Variants in RTN4 observed in about 807,000 individuals in gnomAD.
RTN4 encodes the protein reticulon-4.
In RTN4, 32 loss-of-function variants were observed where a neutral mutation model predicts 90.4. The observed-to-expected ratio is 0.35, with a 90% CI of 0.27 to 0.48. The LOEUF (loss-of-function observed/expected upper bound fraction) is 0.48, where lower values mean the gene tolerates loss of function less well. Ranked by LOEUF, RTN4 falls within the 20% of genes least tolerant of loss-of-function variation. RTN4 has a pLI of 0.99. For missense variants in RTN4, 1,706 were observed against 1,430.2 expected (o/e 1.19, Z -3.11); for synonymous variants, 629 against 552.5 (o/e 1.14, Z -1.94).
chr2:55,034,682 G>C (rs1472046823), intron 1 of RTN4, among the ~76,000 whole-genome samples: 1 of 152,176 alleles, frequency 6.6e-6, no homozygotes, highest in Non-Finnish European at 1.5e-5. Context: ...CTTTATGTAG[G>C]AATAAAGAAT....
At position 55,050,393 on chromosome 2, in the gene RTN4, G is replaced by A. The variant is rs973849501; in HGVS notation, c.-93C>T. On this transcript the variant is annotated 5_prime_UTR_variant, in exon 1 of 9. Coordinates refer to ENST00000337526, the MANE Select transcript of RTN4 (RefSeq NM_020532.5). The surrounding 1 kb of genome is among the most constrained non-coding windows in gnomAD (Gnocchi z 4.6). ...GCGGTTGTGGGGGTTGGGGAGGACT[G>A]AGAGGGGCTGGGCCGACTGAGCCGA... The A allele has an allele frequency of 4.1e-6, 3 of 739,550 alleles. No individual in the cohort carries two copies. The highest frequency in any genetic ancestry group is 6.0e-6 in the Non-Finnish European group (3 of 502,758). The allele number at this position is 739,550 out of a possible 1,614,324, so 45.8% of individuals were successfully genotyped here.
chr2:55,004,458 A>G (rs759250675), intron 3 of RTN4, among the ~76,000 whole-genome samples: 13 of 152,128 alleles, frequency 8.5e-5, no homozygotes, highest in Non-Finnish European at 1.3e-4. Context: ...GTAAAACAGG[A>G]AAGTTGGAAT....
At chr2:55,101,114 T>C (rs1054876735) in intron 1 of RTN4, among the ~76,000 whole-genome samples, 2 of 152,038 alleles carry the variant, frequency 1.3e-5, no homozygotes, top group African/African-American at 4.8e-5. Context: ...ACAGTTTGTA[T>C]AGTAGGATTA....
At chr2:55,039,680 G>A (rs1682938456) in intron 1 of RTN4, among the ~76,000 whole-genome samples, 1 of 152,164 alleles carries the variant, frequency 6.6e-6, no homozygotes, top group Admixed American at 6.5e-5. Flanking sequence ...CTCGGAGACT[G>A]AGGCAGGAGA....
intron 1 of RTN4, among the ~76,000 whole-genome samples, chr2:55,044,599 T>A (rs925667955): frequency 3.9e-5 from 6 of 152,048 alleles, no homozygotes; most frequent in Non-Finnish European, 7.4e-5. Flanking sequence ...AGCCAATTAA[T>A]GGACAATAGG....
chr2:55,001,337 A>C (rs1340317060), intron 3 of RTN4, among the ~76,000 whole-genome samples: 1 of 152,198 alleles, frequency 6.6e-6, no homozygotes. Context: ...ATGAACTAAA[A>C]GATGGTTTGT....
At chr2:55,091,111 C>T (rs1388038716) in intron 1 of RTN4, among the ~76,000 whole-genome samples, 1 of 152,228 alleles carries the variant, frequency 6.6e-6, no homozygotes, top group African/African-American at 2.4e-5. Flanking sequence ...CCTCTGGCCA[C>T]CAGTGGCCTT....
rs35664699 is a variant in RTN4 at position 55,107,403 on chromosome 2, CAA to C, written c.-214+5115_-214+5116del. Among the ~76,000 whole-genome samples, 258 of 101,198 alleles carry C rather than the reference CAA, an allele frequency of 2.5e-3. 2 individuals are homozygous for C. Among genetic ancestry groups the C allele is most frequent in the Non-Finnish European group, 2.8e-3 (147 of 52,124 alleles). 66.4% of individuals were successfully genotyped at this position (101,198 alleles called of 152,430 possible). A position where few individuals can be genotyped will look rare whatever the true frequency, so the allele number is the denominator to read the frequency against. On this transcript the variant is annotated intron_variant, in intron 1 of 3. Transcript: ENST00000427710. ...TTTGCTGAATGTAAAGACTGAACCT[CAA>C]AAAAAAAAAAAAAAAAAAGGAAAGA...
chr2:55,049,693 A>G, intron 1 of RTN4, 52 bp downstream of exon 1: 1 of 1,443,750 alleles, frequency 6.9e-7, no homozygotes, highest in Non-Finnish European at 9.2e-7. Flanking sequence ...GCTGCACACA[A>G]AAGAGGGAGG....
chr2:55,102,317 C>T (rs911488490), intron 1 of RTN4, among the ~76,000 whole-genome samples: 18 of 152,064 alleles, frequency 1.2e-4, no homozygotes, highest in Non-Finnish European at 2.5e-4. Context: ...GGTAGCAAAC[C>T]TTTTCTGTGA....
chr2:54,983,108 C>T (rs1261124162), intron 4 of RTN4, among the ~76,000 whole-genome samples: 2 of 150,182 alleles, frequency 1.3e-5, no homozygotes, highest in Non-Finnish European at 3.0e-5. Flanking sequence ...TGTCTCATCA[C>T]GTTTTCCTAA....
At chr2:55,055,330 A>C (rs1668169236), upstream of RTN4, among the ~76,000 whole-genome samples, 1 of 152,022 alleles carries the variant, frequency 6.6e-6, no homozygotes. Flanking sequence ...AGTCCACAAA[A>C]TTTAACAACT....
intron 1 of RTN4, among the ~76,000 whole-genome samples, chr2:55,094,801 C>CTAA (rs1669002357): frequency 6.6e-6 from 1 of 152,080 alleles, no homozygotes; most frequent in African/African-American, 2.4e-5. Flanking sequence ...GACAGTTACC[C>CTAA]CTGAGTTAGG....
chr2:55,095,542 T>G (rs1669015820), intron 1 of RTN4, among the ~76,000 whole-genome samples: 1 of 152,164 alleles, frequency 6.6e-6, no homozygotes, highest in Non-Finnish European at 1.5e-5. Flanking sequence ...AAACCCTGTC[T>G]TACTTTGCTG....
At chr2:54,993,368 T>G (rs1679177936) in intron 3 of RTN4, among the ~76,000 whole-genome samples, 1 of 152,164 alleles carries the variant, frequency 6.6e-6, no homozygotes, top group African/African-American at 2.4e-5. Context: ...ACCCTGTCTG[T>G]TAGGTTAATA....
intron 2 of RTN4, among the ~76,000 whole-genome samples, chr2:55,061,483 G>A (rs558231277): frequency 6.6e-6 from 1 of 152,236 alleles, no homozygotes; most frequent in South Asian, 2.1e-4. Context: ...CTTTACAGCT[G>A]GTTTATCCAA....
chr2:55,101,958 G>T (rs1667860653), intron 1 of RTN4, among the ~76,000 whole-genome samples: 1 of 151,844 alleles, frequency 6.6e-6, no homozygotes, highest in African/African-American at 2.4e-5. Context: ...TAAAAGAAAA[G>T]GAAAAATAGA....
At chr2:54,994,331 C>T (rs912674170) in intron 3 of RTN4, among the ~76,000 whole-genome samples, 2 of 152,158 alleles carry the variant, frequency 1.3e-5, no homozygotes, top group Non-Finnish European at 2.9e-5. Flanking sequence ...TAATCCCCAA[C>T]AAAATACAAG....
intron 2 of RTN4, among the ~76,000 whole-genome samples, chr2:55,072,677 T>C (rs988186548): frequency 3.9e-5 from 6 of 152,352 alleles, no homozygotes; most frequent in African/African-American, 1.4e-4. Context: ...CTGTTCTAGA[T>C]ATAACTGTAC....
Sources: gnomAD v4.1 joint callset for allele counts (sites outside exome capture counted in the v4.1 genomes callset) on GRCh38, gnomAD v4.1.1 for gene constraint, Gnocchi (gnomAD v3.1) non-coding constraint, MANE v1.5 for transcripts, NCBI Gene and HGNC (gene_info 2026-07-23, HGNC 2026-07-21) for gene names.